Variants in XG observed in about 807,000 individuals in gnomAD.
XG encodes glycoprotein Xg.
A neutral mutation model predicts 25.7 loss-of-function variants in XG; 24 were observed. The observed-to-expected ratio is 0.93, with a 90% confidence interval of 0.68 to 1.31. The LOEUF is 1.31. Ranked by LOEUF, XG falls within the 40% of genes most tolerant of loss-of-function variation. The pLI is 0.00. For missense variants in XG, 181 were observed against 187.6 expected, an observed-to-expected ratio of 0.96 and a Z score of 0.21; for synonymous variants, 77 against 69.2, an observed-to-expected ratio of 1.11 and a Z score of -0.56.
chrX:2,789,100 A>G (rs1416405665), intron 4 of XG, among the ~76,000 whole-genome samples: 3 of 110,577 alleles, frequency 2.7e-5, no homozygotes, highest in Non-Finnish European at 5.7e-5. Flanking sequence ...CTATGGTGGT[A>G]TGCACCTGTA....
chrX:2,770,016 T>G (rs866630838), intron 1 of XG, among the ~76,000 whole-genome samples: 168 of 45,466 alleles, frequency 3.7e-3, no homozygotes, highest in Non-Finnish European at 5.3e-3. Flanking sequence ...TGTGCGTGTG[T>G]GGAGGGGTGG....
chrX:2,761,218 C>A (rs1173959420), intron 1 of XG, among the ~76,000 whole-genome samples: 1 of 152,144 alleles, frequency 6.6e-6, no homozygotes, highest in Admixed American at 6.5e-5. Flanking sequence ...GTGCCCTGAT[C>A]CAATAGGACT....
chrX:2,791,800 C>T (rs1180777658), intron 5 of XG, among the ~76,000 whole-genome samples: 1 of 110,215 alleles, frequency 9.1e-6, no homozygotes, highest in Non-Finnish European at 1.9e-5. Context: ...TCCCAACAGG[C>T]AAACAGCTGG....
intron 7 of XG, among the ~76,000 whole-genome samples, chrX:2,804,291 GT>G (rs756122039): frequency 5.3e-5 from 6 of 113,152 alleles, no homozygotes; most frequent in Non-Finnish European, 7.5e-5. Context: ...CCCAAAGTTA[GT>G]TGGGCCTATG....
intron 3 of XG, among the ~76,000 whole-genome samples, chrX:2,780,425 T>TCAA (rs1556369958): frequency 7.9e-6 from 1 of 126,660 alleles, no homozygotes; most frequent in Admixed American, 8.2e-5. Context: ...TTTTTTTTTC[T>TCAA]AAAAAAAAAA....
intron 3 of XG, 176 bp downstream of exon 3, chrX:2,774,915 C>G (rs1286992325): frequency 4.0e-5 from 31 of 778,196 alleles, no homozygotes; most frequent in Non-Finnish European, 5.3e-5. Flanking sequence ...CAAATCACAA[C>G]CACAGTGAAG....
Position 2,752,199 on chromosome X carries a change from G to A in XG, c.-76G>A, listed in dbSNP as rs759664806. On this transcript the variant is annotated 5_prime_UTR_variant, in exon 1 of 11. Transcript: ENST00000644266. ...GCTGGGAGACCAGAAGTCAACAACA[G>A]GAGGGTGGAGAGGCCGGGTCTCACA... The A allele has an allele frequency of 2.3e-4, 375 of 1,607,356 alleles. 1 individual carries two copies. Among genetic ancestry groups the A allele is most frequent in the Admixed American group, 3.2e-4 (19 of 59,496 alleles).
At chrX:2,803,836 C>A (rs1490800141) in intron 7 of XG, among the ~76,000 whole-genome samples, 1 of 111,290 alleles carries the variant, frequency 9.0e-6, no homozygotes, top group Non-Finnish European at 1.9e-5. Context: ...TTTTTCTTTT[C>A]TTTTCTTCTT....
At position 2,811,316 on chromosome X, in the gene XG, C is replaced by T; in HGVS notation, c.455-20C>T. 1 of 1,170,233 alleles carries T rather than the reference C, an allele frequency of 8.5e-7. No individual in the cohort carries two copies. ...CATGTTTTTTTCTCGGATGAGCTTG[C>T]TTTTTCTCCACTCCTGCAGGCAATA... On this transcript the variant is annotated intron_variant, in intron 9 of 10. Transcript: ENST00000644266.
chrX:2,787,413 A>G lies in XG; in HGVS notation c.191-2231A>G, dbSNP rs188053265. Among the ~76,000 whole-genome samples, 477 of 111,019 alleles carry G rather than the reference A, an allele frequency of 4.3e-3. 3 individuals are homozygous for G. The highest frequency in any genetic ancestry group is 0.015 in the African/African-American group (450 of 30,645). On this transcript the variant is annotated intron_variant, in intron 4 of 10. Coordinates refer to ENST00000644266, the MANE Select transcript of XG (RefSeq NM_001141919.2). ...GTGAATGGAGGAGGGAAGCTCACAGATGAAGGCGTTTTGAGGGAGGACTGA... is the reference window on the plus strand; with the variant it reads ...GTGAATGGAGGAGGGAAGCTCACAGGTGAAGGCGTTTTGAGGGAGGACTGA...
intron 3 of XG, among the ~76,000 whole-genome samples, chrX:2,778,473 C>G (rs2051048834): frequency 6.6e-6 from 1 of 151,988 alleles, no homozygotes; most frequent in Non-Finnish European, 1.5e-5. Context: ...TGTGCCCAGG[C>G]TGAGGCTGCA....
intron 2 of XG, among the ~76,000 whole-genome samples, chrX:2,773,565 G>A (rs2050889800): frequency 2.1e-5 from 2 of 97,248 alleles, no homozygotes; most frequent in African/African-American, 8.0e-5. Flanking sequence ...GAAGGAAGGA[G>A]AGAAGGAAGG....
intron 3 of XG, among the ~76,000 whole-genome samples, chrX:2,776,826 G>A (rs1012331558): frequency 3.3e-5 from 5 of 151,108 alleles, no homozygotes; most frequent in South Asian, 2.1e-4. Context: ...CAGCCTGGGC[G>A]ACAGAGCGAG....
In XG at chrX:2,752,040, A is replaced by G. The variant is rs1453241226; in HGVS notation, c.-235A>G. The stretch of plus-strand genomic sequence containing the variant: ...GCAGCCCGGGGAGGCTGGCTCCGAC[A>G]CACGACTGAGTGTGCCTACACTGGT... On this transcript the variant is annotated 5_prime_UTR_variant, in exon 1 of 11. Transcript: ENST00000644266. 1 of 584,630 alleles carries G rather than the reference A, an allele frequency of 1.7e-6. No individual in the cohort carries two copies. Among genetic ancestry groups the G allele is most frequent in the East Asian group, 2.9e-5 (1 of 34,936 alleles). 36.2% of individuals were successfully genotyped at this position (584,630 alleles called of 1,614,324 possible).
In XG at chrX:2,797,335, T is replaced by A. The variant is rs1279692413; in HGVS notation, c.348T>A (p.Ser116Arg). The change falls in exon 7 of 11, where the codon AGT becomes AGA. Residue 116 changes from serine to arginine, a missense_variant. Coordinates refer to ENST00000644266, the MANE Select transcript of XG (RefSeq NM_001141919.2). ...PAGGGGGGYSSYGNSDNTHGR... is the reference protein window; with the variant it reads ...PAGGGGGGYSRYGNSDNTHGR... ...GAGGTGGCGGCGGTGGCTACTCCAG[T>A]TATGGCAACTCCGACAACACGCACG... 8.3e-7 allele frequency: 1 copy of A among 1,210,802 alleles called. No individual in the cohort carries two copies. The highest frequency in any genetic ancestry group is 2.2e-5 in the Admixed American group (1 of 45,913).
At chrX:2,777,823 A>C (rs9650936) in intron 3 of XG, among the ~76,000 whole-genome samples, 1 of 150,688 alleles carries the variant, frequency 6.6e-6, no homozygotes, top group Non-Finnish European at 1.5e-5. Context: ...CACTGTAGGA[A>C]GCCGAGGCGG....
chrX:2,765,453 G>A (rs1487853422), intron 1 of XG, among the ~76,000 whole-genome samples: 1 of 150,122 alleles, frequency 6.7e-6, no homozygotes, highest in Non-Finnish European at 1.5e-5. Flanking sequence ...ACCAGGGCAC[G>A]CAGATCAAAG....
intron 2 of XG, among the ~76,000 whole-genome samples, chrX:2,773,840 A>G (rs992666582): frequency 6.8e-6 from 1 of 148,044 alleles, no homozygotes; most frequent in Non-Finnish European, 1.5e-5. Flanking sequence ...GGAAGGAGAG[A>G]AGGAAGGAAG....
intron 3 of XG, among the ~76,000 whole-genome samples, chrX:2,776,849 CAA>C (rs2051009692): frequency 4.5e-5 from 3 of 66,724 alleles, no homozygotes. Flanking sequence ...TCCGTCTCAA[CAA>C]CAACAACAAC....
Sources: gnomAD v4.1 joint callset for allele counts (sites outside exome capture counted in the v4.1 genomes callset) on GRCh38, gnomAD v4.1.1 for gene constraint, MANE v1.5 for transcripts, NCBI Gene and HGNC (gene_info 2026-07-23, HGNC 2026-07-21) for gene names.